The following LRRC59 variants were observed in gnomAD, a reference collection of about 807,000 sequenced individuals.
LRRC59 encodes leucine-rich repeat-containing protein 59.
In LRRC59, 18 loss-of-function variants were observed where a neutral mutation model predicts 33.5. That is an observed-to-expected ratio of 0.54 (90% CI 0.37 to 0.80). LRRC59 has a LOEUF of 0.80. LRRC59 is among the 30% of genes least tolerant of loss of function. The pLI, the probability that LRRC59 is intolerant of heterozygous loss-of-function variation, is 0.00. For missense variants in LRRC59, 330 were observed against 391.9 expected (o/e 0.84, Z 1.33); for synonymous variants, 138 against 160.0 (o/e 0.86, Z 1.04).
At chr17:50,384,627 T>C (rs1293983769) in intron 6 of LRRC59, among the ~76,000 whole-genome samples, 1 of 151,984 alleles carries the variant, frequency 6.6e-6, no homozygotes, top group Non-Finnish European at 1.5e-5. Context: ...TAGCTGGGCG[T>C]GGTGGCACAT....
At chr17:50,385,428 C>T in intron 5 of LRRC59, 137 bp from the exon 6 acceptor site, 1 of 966,150 alleles carries the variant, frequency 1.0e-6, no homozygotes, top group Non-Finnish European at 1.5e-6. Flanking sequence ...TCAAAGGAAA[C>T]AGCCATCCTT....
chr17:50,383,175 G>A lies in LRRC59; in HGVS notation c.737C>T (p.Ala246Val), dbSNP rs1405098912. ...CAGCAGCAGCAGCAGCTTCAGCACA[G>A]CCCAGGAACGAGTGTGCTTCCGGGG... ...PPPRKHTRSW[A>V]VLKLLLLLLL... The change falls in exon 7 of 7, where the codon GCT (alanine) becomes GTT (valine). Residue 246 changes from alanine to valine, a missense_variant. Transcript: ENST00000225972. 6.4e-7 allele frequency: 1 copy of A among 1,565,730 alleles called. No homozygotes were observed. Among genetic ancestry groups the A allele is most frequent in the Admixed American group, 1.9e-5 (1 of 51,336 alleles).
At chr17:50,384,679 C>T (rs969949770) in intron 6 of LRRC59, among the ~76,000 whole-genome samples, 4 of 151,690 alleles carry the variant, frequency 2.6e-5, no homozygotes, top group Admixed American at 2.6e-4. Context: ...GCAAGAGAAT[C>T]TCTTGAACCC....
Position 50,383,151 on chromosome 17 carries a change from A to G in LRRC59, c.761T>C (p.Leu254Pro). Residue 254 changes from leucine (L) to proline (P), a missense_variant, in exon 7 of 7, where the codon CTG (leucine) becomes CCG (proline). Physicochemically the swap from Leu to Pro is moderately conservative, Grantham distance 98. Coordinates refer to ENST00000225972, the MANE Select transcript of LRRC59 (RefSeq NM_018509.4). The stretch of plus-strand genomic sequence containing the variant: ...CCCTCCCGCCACACCAAATAGCAGC[A>G]GCAGCAGCAGCAGCTTCAGCACAGC... ...SWAVLKLLLL[L>P]LLFGVAGGLV... is the part of the protein sequence containing the mutation. The G allele has an allele frequency of 1.3e-6, 2 of 1,577,886 alleles. No individual in the cohort carries two copies. Among genetic ancestry groups the G allele is most frequent in the South Asian group, 1.2e-5 (1 of 86,606 alleles).
chr17:50,392,593 G>C (rs1914172791), intron 3 of LRRC59, 91 bp from the exon 4 acceptor site: 2 of 1,434,446 alleles, frequency 1.4e-6, no homozygotes, highest in Admixed American at 1.7e-5. Context: ...CAGGAAGAAT[G>C]CCCCTCTGTG....
intron 1 of LRRC59, chr17:50,395,921 A>G (rs1201494770): frequency 6.6e-6 from 1 of 151,548 alleles, no homozygotes; most frequent in African/African-American, 2.4e-5. Context: ...AAAGGCCCTC[A>G]CAGCCCATCT....
In LRRC59 at chr17:50,397,219, C is replaced by T; in HGVS notation, c.99G>A (p.Lys33=). The change falls in exon 1 of 7, where the codon AAG becomes AAA. Residue 33 remains lysine (K), a synonymous_variant. Coordinates refer to ENST00000225972, the MANE Select transcript of LRRC59 (RefSeq NM_018509.4). ...SLSDLNEVPV[K]ELAALPKATI... ...CTCGCGGGACGATACTGACCAGCTC[C>T]TTCACCGGGACCTCATTCAGGTCGC... 2 of 1,599,066 alleles carry T rather than the reference C, an allele frequency of 1.3e-6. No individual in the cohort carries two copies. The highest frequency in any genetic ancestry group is 1.7e-6 in the Non-Finnish European group (2 of 1,173,656).
Position 50,385,144 on chromosome 17 carries a change from G to C in LRRC59, c.650C>G (p.Pro217Arg), listed in dbSNP as rs774920016. ...CGGGGCCTGATTTGCTTCCTTCTTA[G>C]GTTTCTTCTCCTGCTCCCGCTTGGC... is the stretch of plus-strand genomic sequence containing the variant. ...KAAKREQEKK[P>R]KKEANQAPKS... is the part of the protein sequence containing the mutation. The change falls in exon 6 of 7, where the codon CCT becomes CGT. Residue 217 changes from proline to arginine, a missense_variant. Coordinates refer to ENST00000225972, the MANE Select transcript of LRRC59 (RefSeq NM_018509.4). 6.2e-7 allele frequency: 1 copy of C among 1,613,916 alleles called. No homozygotes were observed. Among genetic ancestry groups the C allele is most frequent in the African/African-American group, 1.3e-5 (1 of 74,900 alleles).
At position 50,382,958 on chromosome 17, in the gene LRRC59, G is replaced by A. The variant is rs1377386976; in HGVS notation, c.*30C>T. 1 of 1,603,924 alleles carries A rather than the reference G, an allele frequency of 6.2e-7. No individual in the cohort carries two copies. The highest frequency in any genetic ancestry group is 2.2e-5 in the East Asian group (1 of 44,700). ...ATTCCATAGGAATCCAAACTCCAAG[G>A]CTGGGAGGCAGCAGGTGCTGGGGAC... On this transcript the variant is annotated 3_prime_UTR_variant, in exon 7 of 7. Transcript: ENST00000225972.
chr17:50,383,062 A>G lies in LRRC59; in HGVS notation c.850T>C (p.Tyr284His). Residue 284 changes from tyrosine (Y) to histidine (H), a missense_variant, in exon 7 of 7, where the codon TAT (tyrosine) becomes CAT (histidine). Coordinates refer to ENST00000225972, the MANE Select transcript of LRRC59 (RefSeq NM_018509.4). ...CGTAGACCCTGGACCGCATTGTCATAGATGGTGTTCACGCTGGTGCAGAGG... is the reference window on the plus strand; with the variant it reads ...CGTAGACCCTGGACCGCATTGTCATGGATGGTGTTCACGCTGGTGCAGAGG... The part of the protein sequence containing the change: ...QPLCTSVNTI[Y>H]DNAVQGLRRH... 3.7e-6 allele frequency: 6 copies of G among 1,612,656 alleles called. No individual in the cohort carries two copies. Among genetic ancestry groups the G allele is most frequent in the Non-Finnish European group, 5.1e-6 (6 of 1,179,982 alleles).
intron 1 of LRRC59, chr17:50,396,244 T>C (rs1240524369): frequency 3.3e-5 from 5 of 152,242 alleles, no homozygotes; most frequent in Non-Finnish European, 7.3e-5. Flanking sequence ...TCCAAGCATT[T>C]TCCATTACAA....
chr17:50,387,729 T>C (rs12452992), intron 5 of LRRC59, among the ~76,000 whole-genome samples: 99,531 of 151,918 alleles, frequency 0.66, 33,348 homozygotes, highest in African/African-American at 0.7. Context: ...TGAATAACTA[T>C]AGGGAAAGTG....
Position 50,392,480 on chromosome 17 carries a change from T to C in LRRC59, c.347A>G (p.Lys116Arg). The change falls in exon 4 of 7, where the codon AAG becomes AGG. Residue 116 changes from lysine to arginine, a missense_variant. Coordinates refer to ENST00000225972, the MANE Select transcript of LRRC59 (RefSeq NM_018509.4). ...QLKNLKWLDL[K>R]DNPLDPVLAK... ...CAGGACAGGATCCAGGGGGTTATCC[T>C]TCAGGTCCAACCACTTCAGGTTCTA... 1 of 1,614,082 alleles carries C rather than the reference T, an allele frequency of 6.2e-7. No individual in the cohort carries two copies. The highest frequency in any genetic ancestry group is 8.5e-7 in the Non-Finnish European group (1 of 1,179,964).
chr17:50,382,794 T>G lies in LRRC59; in HGVS notation c.*194A>C. The G allele has an allele frequency of 1.1e-5, 5 of 465,322 alleles. No individual in the cohort carries two copies. The highest frequency in any genetic ancestry group is 5.2e-5 in the East Asian group (1 of 19,172). The allele number at this position is 465,322 out of a possible 1,614,324, so 28.8% of individuals were successfully genotyped here. A position where few individuals can be genotyped will look rare whatever the true frequency, so the allele number is the denominator to read the frequency against. On this transcript the variant is annotated 3_prime_UTR_variant, in exon 7 of 7. Transcript: ENST00000225972. ...CCCACGCCCCCCCGCCACCTCCCAT[T>G]TCTCCTCATTCCTTCAGGGAACCCT...
At chr17:50,385,469 A>T (rs1200729461) in intron 5 of LRRC59, among the ~76,000 whole-genome samples, 178 bp from the exon 6 acceptor site, 2 of 152,212 alleles carry the variant, frequency 1.3e-5, no homozygotes, top group Non-Finnish European at 2.9e-5. Context: ...CCCCAAAAGC[A>T]GCTGCTCTCA....
chr17:50,385,018 C>G (rs989062921), intron 6 of LRRC59, 100 bp downstream of exon 6: 3 of 1,348,310 alleles, frequency 2.2e-6, no homozygotes, highest in Admixed American at 2.1e-5. Context: ...TGTACTTTAT[C>G]TAAGGTTTGC....
chr17:50,388,179 C>T, intron 4 of LRRC59, 47 bp from the exon 5 acceptor site: 1 of 1,558,180 alleles, frequency 6.4e-7, no homozygotes, highest in Non-Finnish European at 8.9e-7. Context: ...GTCATGTTTG[C>T]TCAGGGAAGT....
chr17:50,383,406 T>C (rs1388551678), intron 6 of LRRC59, among the ~76,000 whole-genome samples, 171 bp from the exon 7 acceptor site: 1 of 152,168 alleles, frequency 6.6e-6, no homozygotes, highest in Non-Finnish European at 1.5e-5. Flanking sequence ...GAAACAACTT[T>C]TCCCTTGGAT....
rs773759187 is a variant in LRRC59, at chr17:50,394,961, C to G, written c.133G>C (p.Asp45His). ...LAALPKATILDLSCNKLTTLP... is the reference protein window; with the variant it reads ...LAALPKATILHLSCNKLTTLP... ...GTAGTCAGTTTATTACAAGACAGAT[C>G]CAGGATGGTGGCCTTTGGAAGGGCA... is the stretch of plus-strand genomic sequence containing the variant. Residue 45 changes from aspartate to histidine, a missense_variant, in exon 2 of 7, where the codon GAT becomes CAT. Asp to His is a moderately conservative substitution (Grantham distance 81). Coordinates refer to ENST00000225972, the MANE Select transcript of LRRC59 (RefSeq NM_018509.4). The G allele has an allele frequency of 6.2e-7, 1 of 1,606,082 alleles. No individual in the cohort carries two copies. Among genetic ancestry groups the G allele is most frequent in the Non-Finnish European group, 8.5e-7 (1 of 1,174,776 alleles).
Sources: allele counts gnomAD v4.1 joint callset (sites outside exome capture counted in the v4.1 genomes callset), GRCh38; gene constraint gnomAD v4.1.1; transcripts MANE v1.5; gene names NCBI Gene and HGNC (gene_info 2026-07-23, HGNC 2026-07-21).